C12orf42: variants seen among roughly 807,000 people sequenced by gnomAD.
C12orf42 encodes uncharacterized protein C12orf42.
In C12orf42, 25 loss-of-function variants were observed where a neutral mutation model predicts 21.6. The ratio of observed to expected loss-of-function variants is 1.16; its 90% CI spans 0.84 to 1.62. C12orf42 has a LOEUF of 1.62. Among genes scored for constraint, C12orf42 ranks in the 40% most tolerant of loss-of-function variants. C12orf42 has a pLI of 0.00. For synonymous variants in C12orf42, 174 were observed against 175.0 expected (o/e 0.99, Z 0.05); for missense variants, 483 against 459.3 (o/e 1.05, Z -0.47).
the C12orf42 span, among the ~76,000 whole-genome samples, chr12:103,205,608 C>T: frequency 6.6e-6 from 1 of 152,086 alleles, no homozygotes; most frequent in Non-Finnish European, 1.5e-5. Context: ...CGTATCTCAG[C>T]AGTGCCACAC....
the C12orf42 span, among the ~76,000 whole-genome samples, chr12:103,071,349 ACT>A: frequency 6.6e-6 from 1 of 151,970 alleles, no homozygotes; most frequent in Non-Finnish European, 1.5e-5. Flanking sequence ...ACACGCAGAG[ACT>A]CTTTTTCTAT....
chr12:103,295,549 A>G (rs2037209608), intron 4 of C12orf42, among the ~76,000 whole-genome samples: 1 of 152,160 alleles, frequency 6.6e-6, no homozygotes, highest in Non-Finnish European at 1.5e-5. Context: ...TAAATGGGAT[A>G]ATACTACTGA....
intron 4 of C12orf42, among the ~76,000 whole-genome samples, chr12:103,366,024 G>T (rs1409478235): frequency 1.3e-5 from 2 of 151,990 alleles, no homozygotes; most frequent in African/African-American, 4.8e-5. Context: ...CAAGCAAAAA[G>T]AACAAATCTG....
the C12orf42 span, chr12:103,164,610 A>G: frequency 4.8e-6 from 2 of 420,778 alleles, no homozygotes; most frequent in African/African-American, 4.1e-5. Flanking sequence ...GTATATCAAT[A>G]TTTTCCATAT....
chr12:103,499,558 G>A (rs1401844817), upstream of C12orf42, among the ~76,000 whole-genome samples: 1 of 152,224 alleles, frequency 6.6e-6, no homozygotes, highest in African/African-American at 2.4e-5. Flanking sequence ...TTGGAGGTAT[G>A]TTGAGAAGGG....
At chr12:103,080,180 C>T in the C12orf42 span, among the ~76,000 whole-genome samples, 2 of 152,046 alleles carry the variant, frequency 1.3e-5, no homozygotes, top group Non-Finnish European at 2.9e-5. Context: ...CATCTGATTT[C>T]CAGGAAGAGT....
chr12:103,112,344 G>T, the C12orf42 span, among the ~76,000 whole-genome samples: 4 of 152,146 alleles, frequency 2.6e-5, no homozygotes, highest in Non-Finnish European at 4.4e-5. Context: ...TTGATAGGTG[G>T]TCAGATTATT....
At chr12:103,062,514 G>A in the C12orf42 span, among the ~76,000 whole-genome samples, 1 of 151,914 alleles carries the variant, frequency 6.6e-6, no homozygotes, top group African/African-American at 2.4e-5. Flanking sequence ...GTTAGTCTTA[G>A]TAATGTTATT....
chr12:103,353,421 G>C (rs1490901128), intron 4 of C12orf42, among the ~76,000 whole-genome samples: 20 of 152,180 alleles, frequency 1.3e-4, no homozygotes, highest in Non-Finnish European at 1.5e-5. Context: ...ATCAAAACTT[G>C]CATGTTTTGA....
At chr12:103,064,902 C>T in the C12orf42 span, among the ~76,000 whole-genome samples, 333 of 152,296 alleles carry the variant, frequency 2.2e-3, 1 homozygote, top group Non-Finnish European at 3.5e-3. Context: ...GTCCAACTTA[C>T]AGTGGGTCCA....
At chr12:103,390,365 C>T (rs2046970069) in intron 3 of C12orf42, among the ~76,000 whole-genome samples, 1 of 152,148 alleles carries the variant, frequency 6.6e-6, no homozygotes, top group Admixed American at 6.5e-5. Flanking sequence ...ATATTACGTA[C>T]ATACACAATG....
intron 1 of C12orf42, among the ~76,000 whole-genome samples, chr12:103,483,473 G>C (rs1425369462): frequency 3.3e-5 from 5 of 152,172 alleles, no homozygotes; most frequent in African/African-American, 1.2e-4. Flanking sequence ...AAATTCTCCA[G>C]TTGAAATTTT....
the C12orf42 span, among the ~76,000 whole-genome samples, chr12:103,100,256 A>G: frequency 5.3e-5 from 8 of 152,218 alleles, no homozygotes; most frequent in Non-Finnish European, 1.0e-4. Flanking sequence ...TGAGCTGATG[A>G]TGAATGGCTG....
At chr12:103,506,749 T>C in the C12orf42 span, among the ~76,000 whole-genome samples, 190 of 137,686 alleles carry the variant, frequency 1.4e-3, no homozygotes, top group African/African-American at 5.2e-3. Context: ...AGAAAGAAAG[T>C]ACATAAAACA....
the C12orf42 span, among the ~76,000 whole-genome samples, chr12:103,507,142 TATAA>T: frequency 2.3e-3 from 47 of 20,806 alleles, 8 homozygotes; most frequent in African/African-American, 0.019. Flanking sequence ...ATATTATATA[TATAA>T]TATAAATATA....
At chr12:103,120,971 G>A in the C12orf42 span, among the ~76,000 whole-genome samples, 1 of 152,006 alleles carries the variant, frequency 6.6e-6, no homozygotes, top group Admixed American at 6.6e-5. Context: ...TGGAATTAGT[G>A]GATTAAATAC....
the C12orf42 span, among the ~76,000 whole-genome samples, chr12:103,511,690 C>A: frequency 2.0e-5 from 3 of 152,110 alleles, no homozygotes; most frequent in Non-Finnish European, 2.9e-5. Flanking sequence ...GAAGCAGGCC[C>A]AGGTGGAGAC....
the C12orf42 span, among the ~76,000 whole-genome samples, chr12:103,092,044 A>G: frequency 2.0e-5 from 3 of 152,238 alleles, no homozygotes; most frequent in Non-Finnish European, 4.4e-5. Flanking sequence ...GGAAAAGCAG[A>G]TTTTTGTTTG....
rs530094021 is a variant in C12orf42, at chr12:103,401,677, T to C, written c.79-2A>G. 28 of 1,613,184 alleles carry C rather than the reference T, an allele frequency of 1.7e-5. No individual in the cohort carries two copies. In the South Asian group the frequency reaches 2.9e-4, roughly 16 times the overall value. On this transcript the variant is annotated splice_acceptor_variant, in intron 2 of 5. Transcript: ENST00000548883. LOFTEE classifies it high-confidence loss of function. ...AATGGGAATATAGCAAGGGGATTTCTGAAACATTAGAAACAAGGCATTTAG... is the reference window on the plus strand; with the variant it reads ...AATGGGAATATAGCAAGGGGATTTCCGAAACATTAGAAACAAGGCATTTAG...
Sources: allele counts gnomAD v4.1 joint callset (sites outside exome capture counted in the v4.1 genomes callset), GRCh38; gene constraint gnomAD v4.1.1; transcripts MANE v1.5; gene names NCBI Gene and HGNC (gene_info 2026-07-23, HGNC 2026-07-21).